The following THPO variants were observed in gnomAD, a reference collection of about 807,000 sequenced individuals.
THPO encodes thrombopoietin, also known as MPL ligand.
A neutral mutation model predicts 17.0 loss-of-function variants in THPO; 12 were observed. The observed-to-expected ratio is 0.71, with a 90% CI of 0.45 to 1.14. The LOEUF (loss-of-function observed/expected upper bound fraction) is 1.14, where lower values mean the gene tolerates loss of function less well. THPO is among the 50% of genes most tolerant of loss of function. The pLI, the probability that THPO is intolerant of heterozygous loss-of-function variation, is 0.00. For synonymous variants in THPO, 188 were observed against 183.0 expected (o/e 1.03, Z -0.22); for missense variants, 365 against 427.5 (o/e 0.85, Z 1.29).
intron 1 of THPO, 49 bp from the exon 2 acceptor site, chr3:184,376,453 A>T: frequency 6.8e-7 from 1 of 1,469,934 alleles, no homozygotes; most frequent in Non-Finnish European, 9.0e-7. Context: ...CTAGGAAGAG[A>T]CTGCCTGGCA....
At chr3:184,378,713 G>T, upstream of THPO, 1 of 773,766 alleles carries the variant, frequency 1.3e-6, no homozygotes, top group Non-Finnish European at 1.6e-6. Context: ...TGTCAGGTGC[G>T]GGGCACATGT....
At chr3:184,377,294 T>A (rs374575338) in intron 1 of THPO, among the ~76,000 whole-genome samples, 19 of 152,254 alleles carry the variant, frequency 1.2e-4, no homozygotes, top group Admixed American at 1.1e-3. Flanking sequence ...CCCCCACACA[T>A]AAAGCCACTG....
intron 4 of THPO, among the ~76,000 whole-genome samples, chr3:184,373,976 C>T (rs773829857): frequency 1.3e-5 from 2 of 152,172 alleles, no homozygotes; most frequent in African/African-American, 2.4e-5. Flanking sequence ...GCCTGTAATC[C>T]CAGCACTTTG....
At chr3:184,375,746 A>G in intron 3 of THPO, 142 bp downstream of exon 3, 2 of 1,485,330 alleles carry the variant, frequency 1.3e-6, no homozygotes, top group Non-Finnish European at 1.9e-6. Flanking sequence ...AATCCTTGTC[A>G]GAGAGTGTGA....
Position 184,372,645 on chromosome 3 carries a change from T to C in THPO, c.930A>G (p.Pro310=). ...GGACCACAGGGGTGGGCAAGGTGGG[T>C]GGAAGAGGGAAGAGCGTATACTGTC... The part of the protein sequence containing the change: ...PTGQYTLFPL[P]PTLPTPVVQL... Residue 310 remains proline, a synonymous_variant, in exon 6 of 6, where the codon CCA becomes CCG. Coordinates refer to ENST00000647395, the MANE Select transcript of THPO (RefSeq NM_000460.4). 6.2e-7 allele frequency: 1 copy of C among 1,612,594 alleles called. No individual in the cohort carries two copies. The highest frequency in any genetic ancestry group is 1.7e-4 in the Middle Eastern group (1 of 6,050).
At position 184,372,270 on chromosome 3, in the gene THPO, C is replaced by T; in HGVS notation, c.*243G>A. On this transcript the variant is annotated 3_prime_UTR_variant, in exon 6 of 6. Coordinates refer to ENST00000647395, the MANE Select transcript of THPO (RefSeq NM_000460.4). Reference sequence around the variant, plus strand: ...AGAATCAGTGAGTTGCAAATTTCTGCAGAAAATAGACCAAAGAGCTAGCTG... The same window carrying T: ...AGAATCAGTGAGTTGCAAATTTCTGTAGAAAATAGACCAAAGAGCTAGCTG... 1.9e-6 allele frequency: 1 copy of T among 517,588 alleles called. No individual in the cohort carries two copies. Among genetic ancestry groups the T allele is most frequent in the South Asian group, 2.5e-5 (1 of 39,312 alleles). 32.1% of individuals were successfully genotyped at this position (517,588 alleles called of 1,614,324 possible).
upstream of THPO, chr3:184,378,387 G>T: frequency 1.0e-6 from 1 of 985,566 alleles, no homozygotes. Flanking sequence ...CCTGGAGGGG[G>T]ACAGGAGCAG....
intron 1 of THPO, among the ~76,000 whole-genome samples, chr3:184,377,145 C>T (rs940877783): frequency 4.6e-5 from 7 of 150,930 alleles, no homozygotes; most frequent in Non-Finnish European, 8.8e-5. Flanking sequence ...GGCAAACGGG[C>T]GCAATATGTT....
chr3:184,377,838 G>A (rs569682047), intron 1 of THPO, among the ~76,000 whole-genome samples: 1 of 152,248 alleles, frequency 6.6e-6, no homozygotes, highest in African/African-American at 2.4e-5. Flanking sequence ...CTTTCCTTAG[G>A]GCCAGCCAGG....
rs41266279 is a variant in THPO, at chr3:184,378,188, C to T, written c.-259G>A. The T allele has an allele frequency of 9.4e-3, 9,220 of 985,492 alleles. 45 individuals are homozygous for T. Among genetic ancestry groups the T allele is most frequent in the South Asian group, 0.02 (435 of 21,290 alleles). 61.0% of individuals were successfully genotyped at this position (985,492 alleles called of 1,614,324 possible). ...AGCCCCTCCACAGCAGCAGGTCATA[C>T]GCCTGCCTGGGCCACTTCTGCCCAA... On this transcript the variant is annotated 5_prime_UTR_variant, in exon 1 of 6. Transcript: ENST00000647395.
intron 5 of THPO, 94 bp from the exon 6 acceptor site, chr3:184,373,272 C>T (rs1352043643): frequency 1.3e-6 from 2 of 1,576,460 alleles, no homozygotes; most frequent in Admixed American, 3.4e-5. Context: ...AGTACCCAGG[C>T]ATTGTGGCTG....
At chr3:184,378,514 T>C (rs1382019444), upstream of THPO, 1 of 557,204 alleles carries the variant, frequency 1.8e-6, no homozygotes, top group Non-Finnish European at 2.3e-6. Context: ...TTCTTTTCCC[T>C]GGACATCATA....
upstream of THPO, chr3:184,378,299 C>T (rs1714607012): frequency 2.0e-6 from 2 of 985,408 alleles, no homozygotes; most frequent in Non-Finnish European, 2.4e-6. Flanking sequence ...GACCAGGGTC[C>T]ACTCCTCCAC....
In THPO at chr3:184,372,349, G is replaced by T; in HGVS notation, c.*164C>A. On this transcript the variant is annotated 3_prime_UTR_variant, in exon 6 of 6. Coordinates refer to ENST00000647395, the MANE Select transcript of THPO (RefSeq NM_000460.4). ...AAAATAGCTTCTGAAGGTTTATAAT[G>T]TACAGTGAAAAATGATTCCCTTTTC... The T allele has an allele frequency of 1.2e-6, 1 of 808,062 alleles. No homozygotes were observed. The highest frequency in any genetic ancestry group is 2.1e-6 in the Non-Finnish European group (1 of 486,956). 50.1% of individuals were successfully genotyped at this position (808,062 alleles called of 1,614,324 possible).
At chr3:184,378,769 T>C (rs1410468213), upstream of THPO, 1 of 983,984 alleles carries the variant, frequency 1.0e-6, no homozygotes, top group African/African-American at 1.7e-5. Flanking sequence ...TAGGTGCTCG[T>C]CTGCTGGGGT....
upstream of THPO, among the ~76,000 whole-genome samples, chr3:184,379,298 GGA>G (rs1714777622): frequency 2.0e-5 from 3 of 152,136 alleles, no homozygotes; most frequent in Admixed American, 6.5e-5. Context: ...CCAAGAGAAA[GGA>G]GGCTGGGAGT....
upstream of THPO, chr3:184,378,391 G>A: frequency 1.0e-6 from 1 of 985,564 alleles, no homozygotes; most frequent in Middle Eastern, 5.2e-4. Context: ...GAGGGGGACA[G>A]GAGCAGAAGT....
chr3:184,377,521 C>G (rs1714520582), intron 1 of THPO, among the ~76,000 whole-genome samples: 1 of 152,206 alleles, frequency 6.6e-6, no homozygotes, highest in Admixed American at 6.5e-5. Context: ...AGAACCCCTT[C>G]CGGTTCCTTC....
At chr3:184,376,479 G>A in intron 1 of THPO, 75 bp from the exon 2 acceptor site, 1 of 1,419,532 alleles carries the variant, frequency 7.0e-7, no homozygotes, top group African/African-American at 1.4e-5. Flanking sequence ...AACAGATGCT[G>A]GGGAGGGCTT....
Sources: gnomAD v4.1 joint callset for allele counts (sites outside exome capture counted in the v4.1 genomes callset) on GRCh38, gnomAD v4.1.1 for gene constraint, MANE v1.5 for transcripts, NCBI Gene and HGNC (gene_info 2026-07-23, HGNC 2026-07-21) for gene names.